ESYT2: variants seen among roughly 807,000 people sequenced by gnomAD.
The protein encoded by ESYT2 is extended synaptotagmin 2.
Under a neutral mutation model 107.2 loss-of-function variants are expected in ESYT2, and 54 were observed. The ratio of observed to expected loss-of-function variants is 0.50; its 90% confidence interval spans 0.40 to 0.63. ESYT2 has a LOEUF of 0.63. Ranked by LOEUF, ESYT2 falls within the 30% of genes least tolerant of loss-of-function variation. The probability of loss-of-function intolerance (pLI) is 0.00; values close to 1 mark genes in which losing one functional copy is unlikely to be tolerated. For synonymous variants in ESYT2, 491 were observed against 434.1 expected (o/e 1.13, Z -1.63); for missense variants, 1,020 against 1,094.5 (o/e 0.93, Z 0.96).
chr7:158,798,967 G>A, intron 2 of ESYT2, 64 bp downstream of exon 2: 2 of 1,504,982 alleles, frequency 1.3e-6, no homozygotes, highest in South Asian at 1.2e-5. Flanking sequence ...CCCCAAATAT[G>A]GAAAGATGGT....
chr7:158,827,234 T>A (rs1471166113), intron 1 of ESYT2, among the ~76,000 whole-genome samples: 1 of 151,860 alleles, frequency 6.6e-6, no homozygotes, highest in African/African-American at 2.4e-5. Flanking sequence ...AAATTTGATA[T>A]TAGCCAATAA....
chr7:158,828,910 C>A (rs1355356964), intron 1 of ESYT2, among the ~76,000 whole-genome samples, 179 bp downstream of exon 1: 1 of 128,196 alleles, frequency 7.8e-6, no homozygotes, highest in Non-Finnish European at 1.7e-5. Context: ...CTCGCCCAGG[C>A]GGAAGGGAAG....
chr7:158,789,823 T>G, intron 4 of ESYT2, among the ~76,000 whole-genome samples: 1 of 152,304 alleles, frequency 6.6e-6, no homozygotes, highest in East Asian at 1.9e-4. Flanking sequence ...CAGCTAACCA[T>G]GAAACCAGAC....
At chr7:158,798,595 G>A (rs1481327044) in intron 2 of ESYT2, among the ~76,000 whole-genome samples, 1 of 124,336 alleles carries the variant, frequency 8.0e-6, no homozygotes, top group Non-Finnish European at 1.6e-5. Context: ...GTGGTGAACC[G>A]AGATCATGCC....
chr7:158,763,376 C>G (rs954036117), intron 9 of ESYT2, among the ~76,000 whole-genome samples: 1 of 152,054 alleles, frequency 6.6e-6, no homozygotes, highest in Non-Finnish European at 1.5e-5. Flanking sequence ...CTCACTGCAA[C>G]CTCCGCCTCC....
chr7:158,780,311 T>C (rs1007288320), intron 6 of ESYT2, among the ~76,000 whole-genome samples: 1 of 152,202 alleles, frequency 6.6e-6, no homozygotes, highest in Non-Finnish European at 1.5e-5. Flanking sequence ...TCCCTGGAAA[T>C]CCCTTTGAGC....
intron 4 of ESYT2, among the ~76,000 whole-genome samples, chr7:158,791,711 T>G (rs1037753080): frequency 7.2e-5 from 11 of 152,260 alleles, no homozygotes; most frequent in African/African-American, 2.7e-4. Flanking sequence ...TAGCCATTTC[T>G]GTATCATCCC....
chr7:158,739,677 A>C (rs1394313011), intron 18 of ESYT2, among the ~76,000 whole-genome samples: 1 of 152,138 alleles, frequency 6.6e-6, no homozygotes, highest in Non-Finnish European at 1.5e-5. Flanking sequence ...AGGGTCCTGA[A>C]AACTAAAAGT....
At chr7:158,753,718 C>T (rs1316178456) in intron 13 of ESYT2, among the ~76,000 whole-genome samples, 1 of 149,468 alleles carries the variant, frequency 6.7e-6, no homozygotes, top group Non-Finnish European at 1.5e-5. Flanking sequence ...GAACATGCGG[C>T]CAGGCAGGAA....
chr7:158,747,885 G>T (rs1390580394), intron 16 of ESYT2, among the ~76,000 whole-genome samples: 1 of 152,184 alleles, frequency 6.6e-6, no homozygotes, highest in African/African-American at 2.4e-5. Context: ...GACAAACTGT[G>T]GGTATCTGCA....
chr7:158,810,447 G>C (rs1839962222), intron 1 of ESYT2, among the ~76,000 whole-genome samples: 1 of 152,168 alleles, frequency 6.6e-6, no homozygotes, highest in Non-Finnish European at 1.5e-5. Flanking sequence ...GTGGAGGAAA[G>C]CTGACAGGCA....
rs1328479010 is a variant in ESYT2, at chr7:158,814,286, A to ATTTT, written c.330+14802_330+14803insAAAA. Among the ~76,000 whole-genome samples the ATTTT allele has an allele frequency of 1.1e-4, 12 of 110,884 alleles. 1 individual carries two copies. In the East Asian group the frequency reaches 3.3e-3, roughly 31 times the overall value. The allele number at this position is 110,884 out of a possible 152,430, so 72.7% of individuals were successfully genotyped here. ...GAGACTCCGTCTCAAAAAAAAAAAA[A>ATTTT]TTATATATATATATATATATATATA... On this transcript the variant is annotated intron_variant, in intron 1 of 22. Transcript: ENST00000275418.
intron 6 of ESYT2, among the ~76,000 whole-genome samples, chr7:158,778,207 A>G (rs1352985696): frequency 6.6e-6 from 1 of 152,188 alleles, no homozygotes; most frequent in Admixed American, 6.5e-5. Context: ...GCATTTTTCA[A>G]TGTCATTATC....
chr7:158,750,406 G>A (rs904682780), intron 14 of ESYT2, among the ~76,000 whole-genome samples: 2 of 152,010 alleles, frequency 1.3e-5, no homozygotes, highest in African/African-American at 4.8e-5. Flanking sequence ...TGTGACATGA[G>A]GTTTATTTAT....
chr7:158,785,365 CG>C (rs1047590302), intron 6 of ESYT2, among the ~76,000 whole-genome samples: 1 of 151,834 alleles, frequency 6.6e-6, no homozygotes, highest in African/African-American at 2.4e-5. Context: ...GTGGAGGTTG[CG>C]GTGAGCCGAG....
intron 4 of ESYT2, among the ~76,000 whole-genome samples, chr7:158,793,366 T>A (rs1839366988): frequency 6.6e-6 from 1 of 152,220 alleles, no homozygotes; most frequent in Non-Finnish European, 1.5e-5. Flanking sequence ...TAGTATTTTG[T>A]TAAGGATTTT....
Position 158,793,662 on chromosome 7 carries a change from T to C in ESYT2, c.572A>G (p.Asp191Gly), listed in dbSNP as rs760589556. The stretch of plus-strand genomic sequence containing the variant: ...AATAAAAACTTACCTAATCTGAAGG[T>C]CCAAAATAATTTGCCTTTTGTCTAC... The part of the protein sequence containing the change: ...ENVDKRQIIL[D>G]LQISFVGNCE... The change falls in exon 4 of 23, where the codon GAC becomes GGC. Residue 191 changes from aspartate (D) to glycine (G), a missense_variant. Transcript: ENST00000275418. 5.0e-6 allele frequency: 8 copies of C among 1,611,702 alleles called. No homozygotes were observed. Among genetic ancestry groups the C allele is most frequent in the Non-Finnish European group, 8.5e-7 (1 of 1,178,150 alleles).
intron 1 of ESYT2, among the ~76,000 whole-genome samples, chr7:158,819,279 C>A (rs773187548): frequency 6.6e-6 from 1 of 152,172 alleles, no homozygotes; most frequent in Non-Finnish European, 1.5e-5. Flanking sequence ...CTAATGAGTT[C>A]AAAAATAATT....
intron 15 of ESYT2, 50 bp downstream of exon 15, chr7:158,749,599 C>T (rs1481718297): frequency 2.3e-5 from 37 of 1,580,102 alleles, no homozygotes; most frequent in Middle Eastern, 1.7e-4. Context: ...GCAACACGGA[C>T]AGCGCCCGCA....
Sources: gnomAD v4.1 joint callset for allele counts (sites outside exome capture counted in the v4.1 genomes callset) on GRCh38, gnomAD v4.1.1 for gene constraint, MANE v1.5 for transcripts, NCBI Gene and HGNC (gene_info 2026-07-23, HGNC 2026-07-21) for gene names.